Variants in NTRK3 observed in about 807,000 individuals in gnomAD.
NTRK3 encodes neurotrophic receptor tyrosine kinase 3, also known as NT-3 growth factor receptor.
NTRK3 carries 24 observed loss-of-function variants against 91.7 expected under a neutral mutation model. The observed-to-expected ratio is 0.26, with a 90% confidence interval of 0.19 to 0.37. The LOEUF is 0.37. Ranked by LOEUF, NTRK3 falls within the 10% of genes least tolerant of loss-of-function variation. The probability of loss-of-function intolerance (pLI) is 1.00; values close to 1 mark genes in which losing one functional copy is unlikely to be tolerated. For missense variants in NTRK3, 880 were observed against 1,068.9 expected (o/e 0.82, Z 2.46); for synonymous variants, 483 against 404.0 (o/e 1.20, Z -2.34).
At chr15:88,095,732 G>A (rs1221485945) in intron 13 of NTRK3, among the ~76,000 whole-genome samples, 1 of 152,194 alleles carries the variant, frequency 6.6e-6, no homozygotes, top group African/African-American at 2.4e-5. Flanking sequence ...GTAATTTGGA[G>A]GATGAGGTAG....
intron 17 of NTRK3, among the ~76,000 whole-genome samples, chr15:87,908,263 A>AC (rs552746184): frequency 5.7e-4 from 87 of 151,642 alleles, no homozygotes; most frequent in African/African-American, 1.9e-3. Context: ...ATGGCCCGCC[A>AC]CCCCCCACCA....
At chr15:88,057,777 AAC>A (rs765311881) in intron 13 of NTRK3, among the ~76,000 whole-genome samples, 5 of 152,208 alleles carry the variant, frequency 3.3e-5, no homozygotes, top group Non-Finnish European at 7.3e-5. Flanking sequence ...CCTCTTGCAG[AAC>A]ACCTTTTGAG....
At chr15:88,208,350 A>AC (rs2031876132) in intron 3 of NTRK3, among the ~76,000 whole-genome samples, 1 of 151,982 alleles carries the variant, frequency 6.6e-6, no homozygotes, top group Admixed American at 6.6e-5. Context: ...ATAAAATGAT[A>AC]CCCCTCTAAA....
chr15:87,981,514 A>G (rs944650198), intron 14 of NTRK3, among the ~76,000 whole-genome samples: 1 of 152,222 alleles, frequency 6.6e-6, no homozygotes, highest in Admixed American at 6.5e-5. Flanking sequence ...CTGTAGTGGC[A>G]GCTGGTTTAT....
At chr15:87,976,601 G>A (rs973707944) in intron 14 of NTRK3, among the ~76,000 whole-genome samples, 2 of 152,172 alleles carry the variant, frequency 1.3e-5, no homozygotes, top group Non-Finnish European at 2.9e-5. Flanking sequence ...GCAAGTTACA[G>A]GGAGCATTTC....
intron 14 of NTRK3, among the ~76,000 whole-genome samples, chr15:87,962,692 C>T (rs2072411767): frequency 6.6e-6 from 1 of 152,176 alleles, no homozygotes; most frequent in Admixed American, 6.5e-5. Flanking sequence ...TGGCCTTTTA[C>T]AGCCAGCTTC....
chr15:88,060,708 T>C (rs555503577), intron 13 of NTRK3, among the ~76,000 whole-genome samples: 25 of 152,282 alleles, frequency 1.6e-4, no homozygotes, highest in African/African-American at 5.8e-4. Flanking sequence ...CAGGCTGCTG[T>C]GTGCAGAACA....
At chr15:87,994,179 C>G (rs28584249) in intron 14 of NTRK3, among the ~76,000 whole-genome samples, 80,948 of 151,916 alleles carry the variant, frequency 0.53, 25,161 homozygotes, top group African/African-American at 0.88. Context: ...GGCTGGGGAG[C>G]GGGAGACATT....
chr15:88,097,745 A>T (rs1390788996), intron 13 of NTRK3, among the ~76,000 whole-genome samples: 17 of 152,236 alleles, frequency 1.1e-4, no homozygotes, highest in Admixed American at 1.1e-3. Context: ...ACATAATAAT[A>T]TGGAGACTAT....
At chr15:88,112,870 C>T (rs938779199) in intron 13 of NTRK3, among the ~76,000 whole-genome samples, 1 of 152,180 alleles carries the variant, frequency 6.6e-6, no homozygotes, top group East Asian at 1.9e-4. Flanking sequence ...CCACTCACAA[C>T]CCCAATTATT....
intron 13 of NTRK3, chr15:88,098,586 G>C (rs569177096): frequency 1.9e-4 from 43 of 230,542 alleles, no homozygotes; most frequent in Middle Eastern, 2.6e-3. Flanking sequence ...CTTGAGCAGA[G>C]GGCCCCAGAT....
chr15:87,929,043 A>G, intron 17 of NTRK3, 148 bp downstream of exon 17: 1 of 1,157,666 alleles, frequency 8.6e-7, no homozygotes, highest in Non-Finnish European at 1.3e-6. Context: ...GATGCAAGAG[A>G]GGCCAAAAGA....
chr15:88,056,999 T>C (rs955171115), intron 13 of NTRK3, among the ~76,000 whole-genome samples: 2 of 150,224 alleles, frequency 1.3e-5, no homozygotes, highest in Admixed American at 1.3e-4. Flanking sequence ...TGAAACCCCG[T>C]CTCTACTAAA....
intron 17 of NTRK3, among the ~76,000 whole-genome samples, chr15:87,904,777 C>T (rs2066659019): frequency 6.6e-6 from 1 of 152,196 alleles, no homozygotes; most frequent in African/African-American, 2.4e-5. Flanking sequence ...AGACACTTCT[C>T]ATCTTTACCC....
intron 14 of NTRK3, among the ~76,000 whole-genome samples, chr15:88,021,102 C>T (rs528354895): frequency 6.6e-6 from 1 of 152,318 alleles, no homozygotes; most frequent in South Asian, 2.1e-4. Context: ...GAAGCACCTG[C>T]AACAGCTTCT....
At chr15:88,188,027 C>G (rs2047083165) in intron 3 of NTRK3, among the ~76,000 whole-genome samples, 1 of 152,182 alleles carries the variant, frequency 6.6e-6, no homozygotes, top group African/African-American at 2.4e-5. Context: ...TTTCCCTGTT[C>G]CAGGACCACA....
chr15:87,989,181 C>T (rs753469196), intron 14 of NTRK3, among the ~76,000 whole-genome samples: 2 of 152,182 alleles, frequency 1.3e-5, no homozygotes, highest in Non-Finnish European at 2.9e-5. Flanking sequence ...ATAAATCATG[C>T]TGCTATAAAG....
chr15:87,922,066 G>T (rs1388606570), intron 17 of NTRK3, among the ~76,000 whole-genome samples: 1 of 152,186 alleles, frequency 6.6e-6, no homozygotes, highest in Non-Finnish European at 1.5e-5. Context: ...TTCCAACGAA[G>T]AGCAGAAAGC....
intron 3 of NTRK3, among the ~76,000 whole-genome samples, chr15:88,236,863 G>A (rs2051832589): frequency 6.6e-6 from 1 of 151,962 alleles, no homozygotes; most frequent in African/African-American, 2.4e-5. Flanking sequence ...CCCTGGGGAG[G>A]CAATGGCAGA....
Sources: allele counts gnomAD v4.1 joint callset (sites outside exome capture counted in the v4.1 genomes callset), GRCh38; gene constraint gnomAD v4.1.1; transcripts MANE v1.5; gene names NCBI Gene and HGNC (gene_info 2026-07-23, HGNC 2026-07-21).